OR4P4: variants seen among roughly 807,000 people sequenced by gnomAD.
OR4P4 encodes the protein olfactory receptor family 4 subfamily P member 4.
In OR4P4, 1 loss-of-function variant was observed where a neutral mutation model predicts 2.1. The observed-to-expected ratio is 0.47, with a 90% CI of 0.17 to 2.21. The LOEUF is 2.21. OR4P4 is among the 30% of genes most tolerant of loss of function. OR4P4 has a pLI of 0.27. For missense variants in OR4P4, 375 were observed against 376.5 expected (o/e 1.00, Z 0.03); for synonymous variants, 129 against 133.2 (o/e 0.97, Z 0.22).
intron 1 of OR4P4, among the ~76,000 whole-genome samples, chr11:55,637,845 A>C (rs1565073092): frequency 7.2e-6 from 1 of 138,506 alleles, no homozygotes; most frequent in Non-Finnish European, 1.6e-5. Flanking sequence ...TAGTTTATGC[A>C]ATCAAATCCC....
exon 2 of OR4P4, chr11:55,639,438 A>T: frequency 1.9e-6 from 1 of 527,102 alleles, no homozygotes; most frequent in Non-Finnish European, 3.3e-6. Flanking sequence ...CTACATTGAC[A>T]TCTCTTTAAC....
chr11:55,638,483 C>A, exon 2 of OR4P4: 2 of 1,476,906 alleles, frequency 1.4e-6, no homozygotes, highest in Non-Finnish European at 1.8e-6. Context: ...GAAACTTACT[C>A]ATAATGATTT....
At position 55,639,260 on chromosome 11, in the gene OR4P4, T is replaced by G. The variant is rs112073392; in HGVS notation, c.903T>G (p.Cys301Trp). The change falls in exon 2 of 2, where the codon TGT becomes TGG. Residue 301 changes from cysteine to tryptophan, a missense_variant. Coordinates refer to ENST00000641760, the Ensembl canonical transcript of OR4P4. ...AGAACGCCATGAGGAAAGTGTGGTG[T>G]TGTCAAATACTCCTGAAAAGAAATC... The G allele has an allele frequency of 2.5e-5, 37 of 1,475,648 alleles. 7 individuals carry two copies. Among genetic ancestry groups the G allele is most frequent in the South Asian group, 6.0e-5 (5 of 82,854 alleles). The allele number at this position is 1,475,648 out of a possible 1,614,324, so 91.4% of individuals were successfully genotyped here.
At position 55,638,350 on chromosome 11, in the gene OR4P4, A is replaced by C. The variant is rs76322457; in HGVS notation, c.-8A>C. On this transcript the variant is annotated 5_prime_UTR_variant, in exon 2 of 2. Coordinates refer to ENST00000641760, the Ensembl canonical transcript of OR4P4. ...CAGGTGACTTATATGTTCTATCTAC[A>C]CTGGACCATGGAAAAAAGCAATAAT... 1,331 of 1,271,252 alleles carry C rather than the reference A, an allele frequency of 1.0e-3. 94 individuals are homozygous for C. The African/African-American group carries it at 0.018, about 17-fold the overall frequency. 78.7% of individuals were successfully genotyped at this position (1,271,252 alleles called of 1,614,324 possible). A position where few individuals can be genotyped will look rare whatever the true frequency, so the allele number is the denominator to read the frequency against.
Position 55,638,373 on chromosome 11 carries a change from A to G in OR4P4, c.16A>G (p.Asn6Asp), listed in dbSNP as rs746699316. The change falls in exon 2 of 2, where the codon AAT becomes GAT. Residue 6 changes from asparagine to aspartate, a missense_variant. Asn to Asp is a conservative substitution (Grantham distance 23). Transcript: ENST00000641760. ...ACACTGGACCATGGAAAAAAGCAAT[A>G]ATAGCACTTTGTTTATTCTCTTGGG... 8.7e-6 allele frequency: 12 copies of G among 1,381,832 alleles called. 2 individuals are homozygous for G. The highest frequency in any genetic ancestry group is 1.2e-5 in the Non-Finnish European group (12 of 1,019,798). The allele number at this position is 1,381,832 out of a possible 1,614,324, so 85.6% of individuals were successfully genotyped here.
At chr11:55,638,635 A>G (rs373215204) in exon 2 of OR4P4, 3 of 1,491,190 alleles carry the variant, frequency 2.0e-6, no homozygotes, top group African/African-American at 2.8e-5. Context: ...ATTTCCTATA[A>G]TAACTGTATG....
chr11:55,635,443 G>A (rs1283616037), intron 1 of OR4P4, among the ~76,000 whole-genome samples: 1 of 136,740 alleles, frequency 7.3e-6, no homozygotes, highest in Non-Finnish European at 1.6e-5. Flanking sequence ...TTTTTTTATG[G>A]GGTGGCCTCC....
exon 2 of OR4P4, chr11:55,639,516 A>T: frequency 2.8e-6 from 1 of 357,408 alleles, no homozygotes; most frequent in Non-Finnish European, 5.0e-6. Context: ...TGCTTATGTG[A>T]CATGAAATAA....
At chr11:55,636,517 C>G (rs1452077178) in intron 1 of OR4P4, among the ~76,000 whole-genome samples, 1 of 137,920 alleles carries the variant, frequency 7.3e-6, no homozygotes, top group Non-Finnish European at 1.6e-5. Flanking sequence ...AGAGTTGGGA[C>G]AGTCAGGATT....
At chr11:55,635,649 A>G (rs1375399961) in intron 1 of OR4P4, among the ~76,000 whole-genome samples, 1 of 137,928 alleles carries the variant, frequency 7.3e-6, no homozygotes, top group Non-Finnish European at 1.6e-5. Flanking sequence ...TGAAGAGAGG[A>G]CAGAATCGAC....
At chr11:55,639,972 A>G (rs1858438698) in exon 2 of OR4P4, 1 of 135,232 alleles carries the variant, frequency 7.4e-6, no homozygotes, top group African/African-American at 2.6e-5. Context: ...CGTCACTACT[A>G]AAAATACAAA....
intron 1 of OR4P4, among the ~76,000 whole-genome samples, chr11:55,636,545 G>A (rs1380762355): frequency 7.3e-6 from 1 of 137,670 alleles, no homozygotes. Context: ...AGTTTATCCC[G>A]TGTGAGTTTT....
chr11:55,638,842 T>A (rs1858423222), exon 2 of OR4P4: 3 of 1,493,024 alleles, frequency 2.0e-6, no homozygotes, highest in Non-Finnish European at 2.7e-6. Flanking sequence ...CTTCTCACCA[T>A]CTTTGTACCA....
At position 55,636,343 on chromosome 11, in the gene OR4P4, C is replaced by A. The variant is rs1301594451; in HGVS notation, c.-31+1127C>A. Reference sequence around the variant, plus strand: ...AGCTGGCTTATATAAGGATCCTGAACTGATTCAGTTTGTGTTTTTAATAAA... The same window carrying A: ...AGCTGGCTTATATAAGGATCCTGAAATGATTCAGTTTGTGTTTTTAATAAA... On this transcript the variant is annotated intron_variant, in intron 1 of 1. Coordinates refer to ENST00000641760, the Ensembl canonical transcript of OR4P4. Among the ~76,000 whole-genome samples, 6 of 137,934 alleles carry A rather than the reference C, an allele frequency of 4.3e-5. 2 individuals are homozygous for A. The highest frequency in any genetic ancestry group is 4.7e-4 in the East Asian group (2 of 4,244). 90.5% of individuals were successfully genotyped at this position (137,934 alleles called of 152,430 possible). A position where few individuals can be genotyped will look rare whatever the true frequency, so the allele number is the denominator to read the frequency against.
rs1382965619 is a variant in OR4P4, at chr11:55,635,587, G to C, written c.-31+371G>C. Among the ~76,000 whole-genome samples, 2 of 137,354 alleles carry C rather than the reference G, an allele frequency of 1.5e-5. 1 individual carries two copies. Among genetic ancestry groups the C allele is most frequent in the Non-Finnish European group, 3.3e-5 (2 of 61,528 alleles). The allele number at this position is 137,354 out of a possible 152,430, so 90.1% of individuals were successfully genotyped here. A position where few individuals can be genotyped will look rare whatever the true frequency, so the allele number is the denominator to read the frequency against. The stretch of plus-strand genomic sequence containing the variant: ...GCATTCAACATGCTGAAGATGTCAA[G>C]TCAGATGTTGCAAAGAAACAATTTA... On this transcript the variant is annotated intron_variant, in intron 1 of 1. Coordinates refer to ENST00000641760, the Ensembl canonical transcript of OR4P4.
rs569132627 is a variant in OR4P4 at position 55,638,860 on chromosome 11, G to C, written c.503G>C (p.Gly168Ala). 541 of 1,493,112 alleles carry C rather than the reference G, an allele frequency of 3.6e-4. 105 individuals carry two copies. In the South Asian group the frequency reaches 5.9e-3, roughly 16 times the overall value. 92.5% of individuals were successfully genotyped at this position (1,493,112 alleles called of 1,614,324 possible). A position where few individuals can be genotyped will look rare whatever the true frequency, so the allele number is the denominator to read the frequency against. The change falls in exon 2 of 2, where the codon GGC becomes GCC. Residue 168 changes from glycine to alanine, a missense_variant. Gly to Ala is a moderately conservative substitution (Grantham distance 60). Coordinates refer to ENST00000641760, the Ensembl canonical transcript of OR4P4. The stretch of plus-strand genomic sequence containing the variant: ...CTCACCATCTTTGTACCATTTTGTG[G>C]CCCAAATGAGATAGATCACTACTTC...
At chr11:55,639,636 T>G in exon 2 of OR4P4, 1 of 197,764 alleles carries the variant, frequency 5.1e-6, no homozygotes, top group South Asian at 1.1e-4. Context: ...GAAATATTAC[T>G]CTCAGCTTTT....
In OR4P4 at chr11:55,638,820, G is replaced by T; in HGVS notation, c.463G>T (p.Ala155Ser). 3.4e-6 allele frequency: 5 copies of T among 1,490,890 alleles called. 2 individuals carry two copies. The highest frequency in any genetic ancestry group is 5.2e-5 in the East Asian group (2 of 38,754). The allele number at this position is 1,490,890 out of a possible 1,614,324, so 92.4% of individuals were successfully genotyped here. A position where few individuals can be genotyped will look rare whatever the true frequency, so the allele number is the denominator to read the frequency against. ...TTGTACTGGGGGATTTATACATTCT[G>T]CCAGTCAGTTTCTTCTCACCATCTT... Residue 155 changes from alanine (A) to serine (S), a missense_variant, in exon 2 of 2, where the codon GCC becomes TCC. Ala to Ser is a moderately conservative substitution (Grantham distance 99). Coordinates refer to ENST00000641760, the Ensembl canonical transcript of OR4P4.
exon 2 of OR4P4, chr11:55,639,583 A>G (rs1228141081): frequency 3.7e-6 from 1 of 273,610 alleles, no homozygotes; most frequent in Non-Finnish European, 6.7e-6. Context: ...AAAATAAAAC[A>G]GATTATGTGT....
Sources: allele counts gnomAD v4.1 joint callset (sites outside exome capture counted in the v4.1 genomes callset), GRCh38; gene constraint gnomAD v4.1.1; transcripts MANE v1.5; gene names NCBI Gene and HGNC (gene_info 2026-07-23, HGNC 2026-07-21).